DHX15: variants seen among roughly 807,000 people sequenced by gnomAD.
The protein encoded by DHX15 is ATP-dependent RNA helicase DHX15.
A neutral mutation model predicts 94.4 loss-of-function variants in DHX15; 11 were observed. That is an observed-to-expected ratio of 0.12 (90% CI 0.07 to 0.19). DHX15 has a LOEUF of 0.19. Among genes scored for constraint, DHX15 ranks in the 10% least tolerant of loss-of-function variants. DHX15 has a pLI of 1.00. For missense variants in DHX15, 304 were observed against 988.5 expected, an observed-to-expected ratio of 0.31 and a Z score of 9.29; for synonymous variants, 338 against 329.9, an observed-to-expected ratio of 1.02 and a Z score of -0.27.
rs559872155 is a variant in DHX15 at position 24,570,212 on chromosome 4, T to A, written c.701+442A>T. Among the ~76,000 whole-genome samples, 4 of 152,368 alleles carry A rather than the reference T, an allele frequency of 2.6e-5. No individual in the cohort carries two copies. In the East Asian group the frequency reaches 5.8e-4, roughly 22 times the overall value. On this transcript the variant is annotated intron_variant, in intron 3 of 13. Coordinates refer to ENST00000336812, the MANE Select transcript of DHX15 (RefSeq NM_001358.3). ...ACAAAAGATTCCTCTTTTTAGCTTA[T>A]AACAGATGCACGGTAATAGCTGCAT...
intron 3 of DHX15, 53 bp from the exon 4 acceptor site, chr4:24,556,463 C>A (rs1721740223): frequency 6.9e-7 from 1 of 1,440,734 alleles, no homozygotes; most frequent in Non-Finnish European, 9.4e-7. Context: ...ATTTTAAAAC[C>A]AAACTTCGTG....
At position 24,555,648 on chromosome 4, in the gene DHX15, C is replaced by A. The variant is rs574951234; in HGVS notation, c.861+603G>T. Among the ~76,000 whole-genome samples the A allele has an allele frequency of 4.6e-5, 7 of 152,234 alleles. No individual in the cohort carries two copies. The South Asian group carries it at 1.4e-3, about 32-fold the overall frequency. ...ACACTTGTATCAACAAGGGATGAGT[C>A]TACATTCCAATGAATAGTATACACA... On this transcript the variant is annotated intron_variant, in intron 4 of 13. Transcript: ENST00000336812.
chr4:24,533,157 C>T (rs1255822439), intron 11 of DHX15, 103 bp from the exon 12 acceptor site: 1 of 1,012,002 alleles, frequency 9.9e-7, no homozygotes, highest in South Asian at 1.3e-5. Flanking sequence ...CTAAATAAAC[C>T]AGAAAGGAGA....
chr4:24,578,264 T>G (rs1306143614), intron 1 of DHX15, among the ~76,000 whole-genome samples: 1 of 152,226 alleles, frequency 6.6e-6, no homozygotes, highest in Non-Finnish European at 1.5e-5. Context: ...TTCTGAAATA[T>G]GCCATCAACT....
At chr4:24,577,926 C>T (rs946740349) in intron 1 of DHX15, among the ~76,000 whole-genome samples, 8 of 152,116 alleles carry the variant, frequency 5.3e-5, no homozygotes, top group Admixed American at 3.3e-4. Flanking sequence ...ACACAAGCCC[C>T]GAAACATGTC....
chr4:24,574,189 G>C (rs557219214), intron 2 of DHX15, among the ~76,000 whole-genome samples: 1 of 80,134 alleles, frequency 1.2e-5, no homozygotes, highest in East Asian at 3.3e-4. Context: ...TTGGGTGACA[G>C]AGCGAGACTT....
At chr4:24,550,787 A>C (rs576251065) in intron 5 of DHX15, among the ~76,000 whole-genome samples, 1 of 152,254 alleles carries the variant, frequency 6.6e-6, no homozygotes, top group East Asian at 1.9e-4. Context: ...CATGTAGTAT[A>C]GTAAATACAA....
intron 1 of DHX15, 57 bp from the exon 2 acceptor site, chr4:24,576,735 G>C: frequency 1.3e-6 from 2 of 1,579,102 alleles, no homozygotes; most frequent in Non-Finnish European, 1.7e-6. Flanking sequence ...GTTCACGGTA[G>C]CGTTATAATC....
intron 12 of DHX15, among the ~76,000 whole-genome samples, chr4:24,531,640 C>T (rs2109391461): frequency 6.6e-6 from 1 of 152,034 alleles, no homozygotes; most frequent in East Asian, 2.0e-4. Flanking sequence ...ATCACCAGAG[C>T]CCAGGGAGGT....
At chr4:24,553,066 T>C (rs1721647290) in intron 5 of DHX15, among the ~76,000 whole-genome samples, 2 of 152,256 alleles carry the variant, frequency 1.3e-5, no homozygotes, top group Admixed American at 1.3e-4. Context: ...CTCACGCCTG[T>C]AATCCCAGCA....
chr4:24,543,089 A>G (rs753203519), intron 6 of DHX15, 63 bp from the exon 7 acceptor site: 3 of 1,157,842 alleles, frequency 2.6e-6, no homozygotes, highest in Non-Finnish European at 3.7e-6. Context: ...GGACTGTTAA[A>G]GATCAGCCAC....
intron 11 of DHX15, among the ~76,000 whole-genome samples, chr4:24,534,812 C>T (rs1373619027): frequency 6.6e-6 from 1 of 152,056 alleles, no homozygotes; most frequent in African/African-American, 2.4e-5. Flanking sequence ...CTGAAACACG[C>T]TTTTTTCAAA....
chr4:24,548,787 C>G, intron 6 of DHX15, 68 bp downstream of exon 6: 1 of 1,442,116 alleles, frequency 6.9e-7, no homozygotes, highest in Non-Finnish European at 9.4e-7. Flanking sequence ...TCCTTTATAA[C>G]TGAATACAGT....
intron 2 of DHX15, among the ~76,000 whole-genome samples, chr4:24,574,158 A>T (rs1460888407): frequency 6.9e-6 from 1 of 145,586 alleles, no homozygotes; most frequent in South Asian, 2.3e-4. Context: ...GAAAGCCAAG[A>T]TCATACCACT....
intron 2 of DHX15, among the ~76,000 whole-genome samples, chr4:24,572,144 TTTTG>T (rs1577349599): frequency 1.3e-5 from 2 of 152,174 alleles, no homozygotes; most frequent in South Asian, 2.1e-4. Context: ...TCTTTTGTTT[TTTTG>T]TTTGTTTTTT....
intron 6 of DHX15, among the ~76,000 whole-genome samples, chr4:24,547,948 T>TACA (rs1560766029): frequency 3.4e-3 from 105 of 31,154 alleles, no homozygotes; most frequent in African/African-American, 8.5e-3. Context: ...TATATCTATA[T>TACA]CTATATCTAT....
chr4:24,557,188 T>C (rs545516440), intron 3 of DHX15, among the ~76,000 whole-genome samples: 1 of 152,138 alleles, frequency 6.6e-6, no homozygotes, highest in Non-Finnish European at 1.5e-5. Context: ...CAAGATTGTA[T>C]AACTTTGCAG....
At chr4:24,560,540 A>C (rs1721851646) in intron 3 of DHX15, among the ~76,000 whole-genome samples, 1 of 152,204 alleles carries the variant, frequency 6.6e-6, no homozygotes, top group Non-Finnish European at 1.5e-5. Flanking sequence ...GAAATGTATG[A>C]CAAACTGAGC....
Position 24,543,024 on chromosome 4 carries a change from T to C in DHX15, c.1251A>G (p.Val417=), listed in dbSNP as rs1324405453. The change falls in exon 7 of 14, where the codon GTA becomes GTG. Residue 417 remains valine, a splice_region_variant and synonymous_variant. Coordinates refer to ENST00000336812, the MANE Select transcript of DHX15 (RefSeq NM_001358.3). ...KKQNGAIGRK[V]VVSTNIAETS... ...TCTCTGCTATGTTAGTTGACACAAC[T>C]ACCTGTTAAGAAATAGAGTATATAA... The C allele has an allele frequency of 6.2e-7, 1 of 1,606,358 alleles. No homozygotes were observed. Among genetic ancestry groups the C allele is most frequent in the Non-Finnish European group, 8.5e-7 (1 of 1,173,688 alleles).
Sources: gnomAD v4.1 joint callset for allele counts (sites outside exome capture counted in the v4.1 genomes callset) on GRCh38, gnomAD v4.1.1 for gene constraint, MANE v1.5 for transcripts, NCBI Gene and HGNC (gene_info 2026-07-23, HGNC 2026-07-21) for gene names.